PRH1: variants seen among roughly 807,000 people sequenced by gnomAD.
PRH1 encodes the protein proline rich protein HaeIII subfamily 1.
A neutral mutation model predicts 7.9 loss-of-function variants in PRH1; 7 were observed. The observed-to-expected ratio is 0.89, with a 90% CI of 0.50 to 1.67. PRH1 has a LOEUF of 1.67. Ranked by LOEUF, PRH1 falls within the 40% of genes most tolerant of loss-of-function variation. The pLI is 0.00. For missense variants in PRH1, 109 were observed against 223.6 expected, an observed-to-expected ratio of 0.49 and a Z score of 3.27; for synonymous variants, 45 against 80.8, an observed-to-expected ratio of 0.56 and a Z score of 2.38.
chr12:11,127,989 A>G (rs1368414390), intron 1 of PRH1, among the ~76,000 whole-genome samples: 3 of 151,890 alleles, frequency 2.0e-5, no homozygotes, highest in Non-Finnish European at 2.9e-5. Flanking sequence ...AGGCGCCTGT[A>G]GTCCCAGCTA....
chr12:11,157,253 C>T (rs1251679420), intron 1 of PRH1, among the ~76,000 whole-genome samples: 2 of 152,196 alleles, frequency 1.3e-5, no homozygotes, highest in Admixed American at 6.5e-5. Flanking sequence ...ACTCTTATTA[C>T]ATGAAAATTC....
At chr12:11,105,816 T>G (rs1945392277) in intron 1 of PRH1, among the ~76,000 whole-genome samples, 1 of 152,124 alleles carries the variant, frequency 6.6e-6, no homozygotes, top group African/African-American at 2.4e-5. Context: ...TCAACGTGAG[T>G]AATATGTAGA....
intron 2 of PRH1, among the ~76,000 whole-genome samples, chr12:10,905,663 C>G (rs1404262665): frequency 3.6e-5 from 4 of 110,344 alleles, no homozygotes; most frequent in African/African-American, 1.1e-4. Context: ...AAGATTCTGT[C>G]TCAAAGAAAA....
At chr12:11,004,805 T>C (rs2136027362) in intron 1 of PRH1, among the ~76,000 whole-genome samples, 1 of 152,122 alleles carries the variant, frequency 6.6e-6, no homozygotes, top group East Asian at 1.9e-4. Context: ...GATTAGTTCA[T>C]GGCATATTGT....
At chr12:11,000,521 T>C (rs1036486781) in intron 1 of PRH1, among the ~76,000 whole-genome samples, 10 of 152,170 alleles carry the variant, frequency 6.6e-5, no homozygotes, top group African/African-American at 2.4e-4. Flanking sequence ...CTACTGGTCT[T>C]TGATGTCTTG....
chr12:11,004,430 C>T (rs1208982374), intron 1 of PRH1, among the ~76,000 whole-genome samples: 2 of 151,988 alleles, frequency 1.3e-5, no homozygotes, highest in African/African-American at 2.4e-5. Flanking sequence ...TGAGTGAACC[C>T]GGAGGCGGAG....
At chr12:11,031,714 G>A (rs948549118) in intron 1 of PRH1, among the ~76,000 whole-genome samples, 3 of 152,112 alleles carry the variant, frequency 2.0e-5, no homozygotes, top group Admixed American at 6.6e-5. Context: ...TAGAGCGATT[G>A]GTGCATTTTA....
chr12:11,026,255 T>G (rs1323592370), intron 1 of PRH1, among the ~76,000 whole-genome samples: 1 of 152,200 alleles, frequency 6.6e-6, no homozygotes, highest in Non-Finnish European at 1.5e-5. Context: ...AGGGAACTCC[T>G]GCTCTCAAGG....
At chr12:11,029,360 G>C (rs1237054360) in intron 1 of PRH1, among the ~76,000 whole-genome samples, 1 of 152,098 alleles carries the variant, frequency 6.6e-6, no homozygotes, top group Non-Finnish European at 1.5e-5. Context: ...AGATTTCATA[G>C]ATACTTTTTT....
rs1213975267 is a variant in PRH1 at position 11,091,987 on chromosome 12, TCTTA to T, written n.124-44803_124-44800del. The T allele has an allele frequency of 5.1e-6, 7 of 1,368,040 alleles. No individual in the cohort carries two copies. In the South Asian group the frequency reaches 6.9e-5, roughly 14 times the overall value. 84.7% of individuals were successfully genotyped at this position (1,368,040 alleles called of 1,614,324 possible). A position where few individuals can be genotyped will look rare whatever the true frequency, so the allele number is the denominator to read the frequency against. On this transcript the variant is annotated intron_variant and non_coding_transcript_variant, in intron 1 of 4. Coordinates refer to the PRH1 transcript ENST00000541977. The stretch of plus-strand genomic sequence containing the variant: ...CTGCCCAGATATTATAAGCAGTAGT[TCTTA>T]CTTCTACACTATTAAAAGCTGGATT...
At chr12:11,108,163 T>C (rs1945483624) in intron 1 of PRH1, among the ~76,000 whole-genome samples, 1 of 152,122 alleles carries the variant, frequency 6.6e-6, no homozygotes, top group Non-Finnish European at 1.5e-5. Context: ...ACCAGATCTG[T>C]CCTAGAAAAA....
chr12:11,092,077 C>G, intron 1 of PRH1: 2 of 1,551,812 alleles, frequency 1.3e-6, no homozygotes, highest in Non-Finnish European at 1.8e-6. Context: ...TGGAGACCGC[C>G]AGAGCAGTGA....
intron 2 of PRH1, among the ~76,000 whole-genome samples, chr12:10,902,713 T>G (rs1949740488): frequency 6.6e-6 from 1 of 152,156 alleles, no homozygotes; most frequent in African/African-American, 2.4e-5. Context: ...GGAGGCCTAC[T>G]TTCAGCATTC....
intron 1 of PRH1, among the ~76,000 whole-genome samples, chr12:11,042,776 C>A (rs1380373649): frequency 6.6e-6 from 1 of 151,564 alleles, no homozygotes; most frequent in East Asian, 1.9e-4. Context: ...ACTACAGGCG[C>A]CCACCACCAC....
At chr12:11,110,795 C>T (rs1403437872) in intron 1 of PRH1, among the ~76,000 whole-genome samples, 6 of 152,126 alleles carry the variant, frequency 3.9e-5, no homozygotes, top group Non-Finnish European at 1.5e-5. Flanking sequence ...AAAAAAATCA[C>T]ACATAACAAT....
At chr12:11,036,294 G>A (rs1942432314) in intron 1 of PRH1, among the ~76,000 whole-genome samples, 1 of 152,202 alleles carries the variant, frequency 6.6e-6, no homozygotes, top group South Asian at 2.1e-4. Flanking sequence ...AAAAATGAAG[G>A]ACATCTGACA....
intron 1 of PRH1, among the ~76,000 whole-genome samples, chr12:11,020,337 T>A (rs376925609): frequency 0.037 from 859 of 23,052 alleles, no homozygotes; most frequent in Middle Eastern, 0.17. Context: ...GTGATTACAT[T>A]GTACTAGGGA....
chr12:11,062,259 T>C (rs759150431), intron 1 of PRH1: 2 of 1,612,656 alleles, frequency 1.2e-6, no homozygotes, highest in South Asian at 2.2e-5. Context: ...TAACCACTAT[T>C]AGAATGGAAA....
intron 1 of PRH1, among the ~76,000 whole-genome samples, chr12:11,065,982 T>C (rs536958773): frequency 2.6e-5 from 4 of 152,298 alleles, no homozygotes; most frequent in South Asian, 2.1e-4. Context: ...AAATATAATA[T>C]CTCAACCACA....
Sources: allele counts gnomAD v4.1 joint callset (sites outside exome capture counted in the v4.1 genomes callset), GRCh38; gene constraint gnomAD v4.1.1; transcripts MANE v1.5; gene names NCBI Gene and HGNC (gene_info 2026-07-23, HGNC 2026-07-21).